TMEM263: variants seen among roughly 807,000 people sequenced by gnomAD.
TMEM263 encodes transmembrane protein 263, also known as UPF0444 transmembrane protein C12orf23.
A neutral mutation model predicts 8.6 loss-of-function variants in TMEM263; 5 were observed. The ratio of observed to expected loss-of-function variants is 0.58; its 90% CI spans 0.31 to 1.23. The LOEUF (loss-of-function observed/expected upper bound fraction) is 1.23. Among genes scored for constraint, TMEM263 ranks in the 50% most tolerant of loss-of-function variants. The pLI is 0.07. For synonymous variants in TMEM263, 50 were observed against 47.9 expected, an observed-to-expected ratio of 1.04 and a Z score of -0.18; for missense variants, 104 against 138.8, an observed-to-expected ratio of 0.75 and a Z score of 1.26.
intron 2 of TMEM263, among the ~76,000 whole-genome samples, chr12:106,960,903 T>C (rs1213196330): frequency 2.0e-5 from 3 of 152,220 alleles, no homozygotes; most frequent in Non-Finnish European, 4.4e-5. Context: ...GGAAAGCATG[T>C]CTCTAGCTTA....
chr12:106,957,462 T>C (rs1951715470), intron 2 of TMEM263, among the ~76,000 whole-genome samples: 3 of 152,166 alleles, frequency 2.0e-5, no homozygotes, highest in South Asian at 4.1e-4. Flanking sequence ...TTGATTTTTT[T>C]TTTTTTAACT....
At chr12:106,959,941 A>G (rs902469839) in intron 2 of TMEM263, among the ~76,000 whole-genome samples, 1 of 152,202 alleles carries the variant, frequency 6.6e-6, no homozygotes, top group African/African-American at 2.4e-5. Flanking sequence ...AAAATTAGTA[A>G]TAATTTTTAT....
rs1284186293 is a variant in TMEM263, at chr12:106,971,088, A to G, written c.65-17A>G. On this transcript the variant is annotated splice_polypyrimidine_tract_variant and intron_variant, in intron 3 of 3. Transcript: ENST00000280756. ...GTGACTTATATTTGATTGTCTCATG[A>G]TATTTTCTCTCATTAGGTTCAATGA... 1.2e-6 allele frequency: 2 copies of G among 1,612,000 alleles called. No individual in the cohort carries two copies. Among genetic ancestry groups the G allele is most frequent in the Non-Finnish European group, 1.7e-6 (2 of 1,178,772 alleles).
In TMEM263 at chr12:106,964,480, G is replaced by A. The variant is rs566357918; in HGVS notation, c.-6-2631G>A. 1.6e-4 allele frequency among the ~76,000 whole-genome samples: 25 copies of A among 152,288 alleles called. 2 individuals carry two copies. In the South Asian group the frequency reaches 5.2e-3, roughly 32 times the overall value. On this transcript the variant is annotated intron_variant, in intron 2 of 3. Coordinates refer to ENST00000280756, the MANE Select transcript of TMEM263 (RefSeq NM_152261.4). ...TAATAAATGAACCTTTGTGGTTGGG[G>A]AGTTTTAAAATTAGGGCACATCCAT...
chr12:106,957,256 A>T (rs1461083000), intron 2 of TMEM263, 107 bp downstream of exon 2: 10 of 754,660 alleles, frequency 1.3e-5, no homozygotes, highest in Non-Finnish European at 1.5e-5. Flanking sequence ...TTAAAAAGAA[A>T]GGGAGAAGTA....
Position 106,971,447 on chromosome 12 carries a change from C to G in TMEM263, c.*56C>G. 6.7e-7 allele frequency: 1 copy of G among 1,502,508 alleles called. No individual in the cohort carries two copies. Among genetic ancestry groups the G allele is most frequent in the Non-Finnish European group, 8.9e-7 (1 of 1,118,952 alleles). The allele number at this position is 1,502,508 out of a possible 1,614,324, so 93.1% of individuals were successfully genotyped here. A position where few individuals can be genotyped will look rare whatever the true frequency, so the allele number is the denominator to read the frequency against. The stretch of plus-strand genomic sequence containing the variant: ...CTGTAATGCCAGTGGCATTGAATTG[C>G]TAAATTATGGACTACAACCAAGTCA... On this transcript the variant is annotated 3_prime_UTR_variant, in exon 4 of 4. Transcript: ENST00000280756.
intron 1 of TMEM263, among the ~76,000 whole-genome samples, chr12:106,956,305 G>A (rs1239494585): frequency 6.6e-6 from 1 of 152,168 alleles, no homozygotes; most frequent in East Asian, 1.9e-4. Context: ...CGCGATTGGA[G>A]CTTGCGCACC....
chr12:106,964,998 T>C (rs1001121344), intron 2 of TMEM263, among the ~76,000 whole-genome samples: 25 of 152,178 alleles, frequency 1.6e-4, no homozygotes, highest in African/African-American at 5.8e-4. Flanking sequence ...CCTTACTCTT[T>C]TGTCCAGTGC....
Position 106,957,183 on chromosome 12 carries a change from TGTGTGTGTGTGTG to T in TMEM263, c.-7+35_-7+47del, listed in dbSNP as rs1951708660. 45 of 832,222 alleles carry T rather than the reference TGTGTGTGTGTGTG, an allele frequency of 5.4e-5. 1 individual carries two copies. The highest frequency in any genetic ancestry group is 6.3e-5 in the Non-Finnish European group (44 of 700,758). The allele number at this position is 832,222 out of a possible 1,614,324, so 51.6% of individuals were successfully genotyped here. A position where few individuals can be genotyped will look rare whatever the true frequency, so the allele number is the denominator to read the frequency against. On this transcript the variant is annotated intron_variant, in intron 2 of 3. Coordinates refer to ENST00000280756, the MANE Select transcript of TMEM263 (RefSeq NM_152261.4). ...GCGCGCCCGTGTGTGTGTGTGTGTG[TGTGTGTGTGTGTG>T]TGTGTGTGTGTGTGTATGTGTGTGC...
chr12:106,967,206 A>G, intron 3 of TMEM263, 26 bp downstream of exon 3: 1 of 1,310,346 alleles, frequency 7.6e-7, no homozygotes, highest in Non-Finnish European at 1.1e-6. Flanking sequence ...TAACACTAAG[A>G]ATGGAAAAAT....
chr12:106,960,116 C>T (rs1445411620), intron 2 of TMEM263, among the ~76,000 whole-genome samples: 3 of 152,016 alleles, frequency 2.0e-5, no homozygotes, highest in Non-Finnish European at 4.4e-5. Flanking sequence ...TTCACTGCAA[C>T]CTCTGCCTCC....
At chr12:106,962,882 C>T (rs1413931719) in intron 2 of TMEM263, among the ~76,000 whole-genome samples, 1 of 152,178 alleles carries the variant, frequency 6.6e-6, no homozygotes, top group Admixed American at 6.5e-5. Flanking sequence ...GAGTGTCAAC[C>T]ATGCATCATT....
chr12:106,962,741 C>T (rs1481358969), intron 2 of TMEM263, among the ~76,000 whole-genome samples: 1 of 152,226 alleles, frequency 6.6e-6, no homozygotes, highest in Non-Finnish European at 1.5e-5. Context: ...AGTCCTTCAT[C>T]TTCTCTCAAA....
chr12:106,969,314 A>C (rs556542829), intron 3 of TMEM263, among the ~76,000 whole-genome samples: 1 of 152,346 alleles, frequency 6.6e-6, no homozygotes, highest in East Asian at 1.9e-4. Flanking sequence ...AGTTGGACTT[A>C]CGTACCCAGT....
chr12:106,956,550 T>G (rs541446461), intron 1 of TMEM263, among the ~76,000 whole-genome samples: 1 of 152,114 alleles, frequency 6.6e-6, no homozygotes, highest in Non-Finnish European at 1.5e-5. Flanking sequence ...GAAGGCTGTA[T>G]CTCCACGCCT....
At chr12:106,961,207 A>G (rs1593463912) in intron 2 of TMEM263, among the ~76,000 whole-genome samples, 1 of 130,836 alleles carries the variant, frequency 7.6e-6, no homozygotes, top group African/African-American at 3.0e-5. Context: ...ACAGGCGTGC[A>G]CCACCGTGCC....
intron 1 of TMEM263, 90 bp from the exon 2 acceptor site, chr12:106,956,992 A>T: frequency 1.2e-6 from 1 of 807,696 alleles, no homozygotes; most frequent in Non-Finnish European, 1.5e-6. Context: ...AAGGGTTCTT[A>T]ATTTGATTTT....
chr12:106,960,335 C>A (rs1277673639), intron 2 of TMEM263, among the ~76,000 whole-genome samples: 1 of 151,154 alleles, frequency 6.6e-6, no homozygotes, highest in African/African-American at 2.4e-5. Context: ...ATGTCCGGCC[C>A]TTGTTTTTTT....
intron 2 of TMEM263, among the ~76,000 whole-genome samples, chr12:106,961,224 A>ATTTTTTTTTTTTTTTTTTTT (rs554707654): frequency 2.7e-5 from 2 of 75,116 alleles, no homozygotes; most frequent in African/African-American, 1.2e-4. Context: ...TGCCCAGTCA[A>ATTTTTTTTTTTTTTTTTTTT]TTTTTTTTTT....
Sources: gnomAD v4.1 joint callset for allele counts (sites outside exome capture counted in the v4.1 genomes callset) on GRCh38, gnomAD v4.1.1 for gene constraint, MANE v1.5 for transcripts, NCBI Gene and HGNC (gene_info 2026-07-23, HGNC 2026-07-21) for gene names.